GRIN2B: variants seen among roughly 807,000 people sequenced by gnomAD.
The protein encoded by GRIN2B is glutamate receptor ionotropic, NMDA 2B.
Under a neutral mutation model 114.5 loss-of-function variants are expected in GRIN2B, and 5 were observed. The observed-to-expected ratio is 0.04, with a 90% CI of 0.02 to 0.09. GRIN2B has a LOEUF of 0.09. GRIN2B is among the 10% of genes least tolerant of loss of function. The probability of loss-of-function intolerance (pLI) is 1.00; values close to 1 mark genes in which losing one functional copy is unlikely to be tolerated. For missense variants in GRIN2B, 1,108 were observed against 1,943.5 expected (o/e 0.57, Z 8.08); for synonymous variants, 787 against 745.1 (o/e 1.06, Z -0.92).
At chr12:13,607,067 C>A in intron 10 of GRIN2B, among the ~76,000 whole-genome samples, 2 of 144,652 alleles carry the variant, frequency 1.4e-5, no homozygotes, top group South Asian at 4.3e-4. Context: ...CAGCAGCGGC[C>A]CTCTAGTAAC....
intron 3 of GRIN2B, among the ~76,000 whole-genome samples, chr12:13,852,367 G>A (rs1317061530): frequency 6.6e-6 from 1 of 152,154 alleles, no homozygotes; most frequent in Non-Finnish European, 1.5e-5. Context: ...AACTCAAAAG[G>A]AGAAGCAGCC....
At chr12:13,959,769 C>CT (rs3082919) in intron 2 of GRIN2B, among the ~76,000 whole-genome samples, 54,130 of 132,160 alleles carry the variant, frequency 0.41, 11,814 homozygotes, top group East Asian at 0.71. Flanking sequence ...TTTTCTTTTT[C>CT]TTTTTTTTTT....
intron 5 of GRIN2B, among the ~76,000 whole-genome samples, chr12:13,621,127 T>C (rs183277814): frequency 2.6e-4 from 40 of 152,288 alleles, no homozygotes; most frequent in Admixed American, 2.6e-3. Flanking sequence ...CAAGGTGTAT[T>C]TCAAGCAATC....
chr12:13,749,088 A>G (rs1565523089), intron 4 of GRIN2B, among the ~76,000 whole-genome samples: 1 of 152,246 alleles, frequency 6.6e-6, no homozygotes, highest in Non-Finnish European at 1.5e-5. Flanking sequence ...AGGAATTTGG[A>G]TTAACACCTG....
intron 2 of GRIN2B, among the ~76,000 whole-genome samples, chr12:13,921,344 A>G (rs934765867): frequency 6.6e-6 from 1 of 152,080 alleles, no homozygotes; most frequent in Non-Finnish European, 1.5e-5. Context: ...GTTGCAATGA[A>G]CCTAGATTGT....
chr12:13,611,905 G>A (rs117617299), intron 8 of GRIN2B, 55 bp from the exon 9 acceptor site: 564 of 1,577,548 alleles, frequency 3.6e-4, no homozygotes, highest in Non-Finnish European at 4.6e-4. Flanking sequence ...AAAAGAATTC[G>A]AATTAATTCA....
intron 8 of GRIN2B, 62 bp from the exon 9 acceptor site, chr12:13,611,912 T>C: frequency 1.3e-6 from 2 of 1,545,248 alleles, no homozygotes; most frequent in Non-Finnish European, 1.8e-6. Flanking sequence ...TTCGAATTAA[T>C]TCACATATTC....
chr12:13,541,058 G>A lies in GRIN2B; in HGVS notation c.*21725C>T, dbSNP rs1300190658. The A allele has an allele frequency of 1.3e-5, 2 of 152,324 alleles. No homozygotes were observed. Among genetic ancestry groups the A allele is most frequent in the Admixed American group, 6.5e-5 (1 of 15,300 alleles). 9.4% of individuals were successfully genotyped at this position (152,324 alleles called of 1,614,324 possible). ...CACACATGTGCACAGGCACACACAC[G>A]CATCAGTCATTGTGGCTAAGTGTAA... On this transcript the variant is annotated 3_prime_UTR_variant, in exon 14 of 14. Coordinates refer to ENST00000609686, the MANE Select transcript of GRIN2B (RefSeq NM_000834.5).
At chr12:13,978,836 C>G (rs1002231729) in intron 2 of GRIN2B, among the ~76,000 whole-genome samples, 1 of 152,196 alleles carries the variant, frequency 6.6e-6, no homozygotes, top group Non-Finnish European at 1.5e-5. Flanking sequence ...GCATGAGTGA[C>G]TAGCTGAAGA....
rs1565452616 is a variant in GRIN2B, at chr12:13,562,931, C to G, written c.4307G>C (p.Gly1436Ala). 4.3e-6 allele frequency: 7 copies of G among 1,614,166 alleles called. No homozygotes were observed. The highest frequency in any genetic ancestry group is 5.9e-6 in the Non-Finnish European group (7 of 1,180,044). ...TNKPVVSALHGAVPARFQKDI... is the reference protein window; with the variant it reads ...TNKPVVSALHAAVPARFQKDI... The stretch of plus-strand genomic sequence containing the variant: ...CTTCTGGAAACGGGCTGGCACGGCC[C>G]CATGAAGGGCCGAGACCACCGGCTT... Residue 1436 changes from glycine to alanine, a missense_variant, in exon 14 of 14, where the codon GGG (glycine) becomes GCG (alanine). Coordinates refer to ENST00000609686, the MANE Select transcript of GRIN2B (RefSeq NM_000834.5).
At chr12:13,689,296 T>C (rs1591677496) in intron 4 of GRIN2B, among the ~76,000 whole-genome samples, 1 of 152,184 alleles carries the variant, frequency 6.6e-6, no homozygotes, top group African/African-American at 2.4e-5. Context: ...TGACTTTCAA[T>C]TCTTCCTCTC....
intron 3 of GRIN2B, among the ~76,000 whole-genome samples, chr12:13,770,273 A>C (rs1393019570): frequency 6.6e-6 from 1 of 152,210 alleles, no homozygotes; most frequent in African/African-American, 2.4e-5. Flanking sequence ...TTTCTTCCAA[A>C]TCATTGGGTG....
Position 13,609,730 on chromosome 12 carries a change from G to A in GRIN2B, c.1781-898C>T, listed in dbSNP as rs562072785. On this transcript the variant is annotated intron_variant, in intron 9 of 13. Coordinates refer to ENST00000609686, the MANE Select transcript of GRIN2B (RefSeq NM_000834.5). ...GGAGCTTGCAGTGAGCTGAGATCGC[G>A]CCACTGCACTCCAGCCTGGGCAACA... is the stretch of plus-strand genomic sequence containing the variant. Among the ~76,000 whole-genome samples the A allele has an allele frequency of 1.6e-4, 24 of 149,506 alleles. 1 individual carries two copies. Among genetic ancestry groups the A allele is most frequent in the Admixed American group, 1.2e-3 (18 of 14,880 alleles).
At chr12:13,900,188 A>G (rs1327533120) in intron 2 of GRIN2B, among the ~76,000 whole-genome samples, 1 of 152,152 alleles carries the variant, frequency 6.6e-6, no homozygotes, top group East Asian at 1.9e-4. Context: ...TAAAAAGTTA[A>G]TAAGGCCGGG....
chr12:13,731,375 G>A (rs1392396812), intron 4 of GRIN2B, among the ~76,000 whole-genome samples: 1 of 152,104 alleles, frequency 6.6e-6, no homozygotes, highest in African/African-American at 2.4e-5. Flanking sequence ...TGAGACGGGT[G>A]GATCATAAGG....
chr12:13,772,015 T>A (rs1863917389), intron 3 of GRIN2B, among the ~76,000 whole-genome samples: 1 of 152,248 alleles, frequency 6.6e-6, no homozygotes, highest in African/African-American at 2.4e-5. Flanking sequence ...CTCAGCTGGA[T>A]GATTGCTATG....
intron 2 of GRIN2B, among the ~76,000 whole-genome samples, chr12:13,908,618 C>T (rs901487853): frequency 6.6e-6 from 1 of 152,134 alleles, no homozygotes; most frequent in South Asian, 2.1e-4. Context: ...AACTCTGTCT[C>T]CCTCTACCTT....
At chr12:13,894,431 ACAT>A (rs1476547915) in intron 2 of GRIN2B, among the ~76,000 whole-genome samples, 2 of 152,150 alleles carry the variant, frequency 1.3e-5, no homozygotes, top group Non-Finnish European at 2.9e-5. Context: ...GATTTCAATA[ACAT>A]AGAAAAATCT....
intron 3 of GRIN2B, among the ~76,000 whole-genome samples, chr12:13,856,368 G>C (rs1865661327): frequency 6.6e-6 from 1 of 152,072 alleles, no homozygotes; most frequent in Non-Finnish European, 1.5e-5. Context: ...GCGGTTTTAA[G>C]CAAAAAAGTA....
Sources: gnomAD v4.1 joint callset for allele counts (sites outside exome capture counted in the v4.1 genomes callset) on GRCh38, gnomAD v4.1.1 for gene constraint, MANE v1.5 for transcripts, NCBI Gene and HGNC (gene_info 2026-07-23, HGNC 2026-07-21) for gene names.